Variants in MMS19 observed in about 807,000 individuals in gnomAD.
MMS19 encodes MMS19 nucleotide excision repair protein homolog.
In MMS19, 77 loss-of-function variants were observed where a neutral mutation model predicts 129.8. That is an observed-to-expected ratio of 0.59 (90% confidence interval 0.49 to 0.72). The LOEUF (loss-of-function observed/expected upper bound fraction) is 0.72, where lower values mean the gene tolerates loss of function less well. Ranked by LOEUF, MMS19 falls within the 30% of genes least tolerant of loss-of-function variation. The probability of loss-of-function intolerance (pLI) is 0.00; values close to 1 mark genes in which losing one functional copy is unlikely to be tolerated. For missense variants in MMS19, 1,168 were observed against 1,266.3 expected (o/e 0.92, Z 1.18); for synonymous variants, 491 against 502.8 (o/e 0.98, Z 0.31).
At position 97,477,398 on chromosome 10, in the gene MMS19, G is replaced by A. The variant is rs1275884991; in HGVS notation, c.442C>T (p.Arg148Ter). Residue 148 changes from arginine (R) to a stop codon, truncating the protein, a stop_gained, in exon 6 of 31, where the codon CGA (arginine) becomes TGA (stop). Coordinates refer to ENST00000438925, the MANE Select transcript of MMS19 (RefSeq NM_022362.5). LOFTEE classifies it high-confidence loss of function. ...VHVQSLPQVD[R>*]HTVYNIITNF... ...GTGATGATATTGTAGACTGTGTGTC[G>A]GTCCACCTGTGGCAGGGACTTGGGG... is the stretch of plus-strand genomic sequence containing the variant. 1.9e-6 allele frequency: 3 copies of A among 1,613,920 alleles called. No homozygotes were observed. The highest frequency in any genetic ancestry group is 3.3e-5 in the Admixed American group (2 of 60,008).
At chr10:97,490,941 A>G (rs2038759220) in intron 1 of MMS19, among the ~76,000 whole-genome samples, 1 of 152,254 alleles carries the variant, frequency 6.6e-6, no homozygotes. Context: ...GGTAGCAGCC[A>G]GACTAACAGG....
intron 2 of MMS19, among the ~76,000 whole-genome samples, chr10:97,481,767 T>G (rs1327197624): frequency 6.6e-6 from 1 of 152,076 alleles, no homozygotes; most frequent in African/African-American, 2.4e-5. Flanking sequence ...ACAGTTGTAT[T>G]GAACCTCAAG....
intron 3 of MMS19, chr10:97,480,209 A>G (rs905893689): frequency 9.5e-5 from 43 of 454,280 alleles, no homozygotes; most frequent in African/African-American, 8.3e-4. Context: ...TGCAAATCAG[A>G]CACCGCCTCC....
intron 26 of MMS19, 133 bp downstream of exon 26, chr10:97,459,913 T>G: frequency 9.3e-7 from 1 of 1,072,416 alleles, no homozygotes; most frequent in Middle Eastern, 2.5e-4. Context: ...GACAAGAATC[T>G]AGAAGTTTAG....
chr10:97,487,896 T>C (rs2038191366), intron 1 of MMS19, among the ~76,000 whole-genome samples: 2 of 152,096 alleles, frequency 1.3e-5, no homozygotes, highest in African/African-American at 2.4e-5. Flanking sequence ...GCAGGTAGAT[T>C]GCTTGAGGCC....
chr10:97,465,020 C>CT (rs1463711517), intron 18 of MMS19, among the ~76,000 whole-genome samples: 4 of 146,858 alleles, frequency 2.7e-5, no homozygotes, highest in Non-Finnish European at 6.0e-5. Flanking sequence ...TTTTTTTTTT[C>CT]TTTTTTGAGA....
rs1329203269 is a variant in MMS19, at chr10:97,461,512, G to C, written c.2295C>G (p.Leu765=). ...TAAAKCFAGL[L]NKHPAGQQLD... ...TCTCAGTACCTGCAGGGTGCTTGTT[G>C]AGGAGTCCTGCAAAGCACTTGGCAG... Residue 765 remains leucine, a synonymous_variant, in exon 23 of 31, where the codon CTC becomes CTG. Transcript: ENST00000438925. 5.0e-6 allele frequency: 8 copies of C among 1,606,360 alleles called. No homozygotes were observed. The South Asian group carries it at 9.0e-5, about 18-fold the overall frequency.
intron 3 of MMS19, among the ~76,000 whole-genome samples, chr10:97,478,648 C>T (rs962881715): frequency 6.6e-6 from 1 of 152,208 alleles, no homozygotes; most frequent in Non-Finnish European, 1.5e-5. Flanking sequence ...TGCCTTTCTA[C>T]AGAACTAGAG....
chr10:97,468,497 GAC>G, intron 12 of MMS19, 91 bp from the exon 13 acceptor site: 2 of 1,286,938 alleles, frequency 1.6e-6, no homozygotes, highest in Middle Eastern at 2.6e-4. Flanking sequence ...TGAGACCCAT[GAC>G]AGTTTGCAAG....
chr10:97,477,493 A>AAGTG, intron 5 of MMS19, 77 bp from the exon 6 acceptor site: 1 of 1,592,386 alleles, frequency 6.3e-7, no homozygotes, highest in Non-Finnish European at 8.6e-7. Flanking sequence ...CCTGCTTCAT[A>AAGTG]ATCTCTAAGT....
chr10:97,459,566 G>A (rs2031075783), intron 27 of MMS19, 40 bp from the exon 28 acceptor site: 2 of 1,605,748 alleles, frequency 1.2e-6, no homozygotes, highest in Non-Finnish European at 1.7e-6. Context: ...GCCACATCAT[G>A]AAGATCCTGG....
rs764104569 is a variant in MMS19 at position 97,459,363 on chromosome 10, A to G, written c.2903T>C (p.Met968Thr). 5.0e-6 allele frequency: 8 copies of G among 1,606,868 alleles called. No homozygotes were observed. The highest frequency in any genetic ancestry group is 1.3e-5 in the African/African-American group (1 of 74,796). ...KFLNLSSSPSMAVRIAALQCM... is the reference protein window; with the variant it reads ...KFLNLSSSPSTAVRIAALQCM... Reference sequence around the variant, plus strand: ...AAGAGTTGCTGGGGCTCAACGCACCATGGAAGGGCTAGAGCTGAGGTTCAG... The same window carrying G: ...AAGAGTTGCTGGGGCTCAACGCACCGTGGAAGGGCTAGAGCTGAGGTTCAG... The change falls in exon 28 of 31, where the codon ATG becomes ACG. Residue 968 changes from methionine to threonine, a missense_variant and splice_region_variant. By Grantham distance (81) the Met-to-Thr change is moderately conservative (BLOSUM62 -1). This residue lies in a region of MMS19 where 831 missense variants were observed against 910.8 expected (regional missense o/e 0.91). Transcript: ENST00000438925.
At chr10:97,483,043 A>G (rs2037161239) in intron 2 of MMS19, among the ~76,000 whole-genome samples, 1 of 151,824 alleles carries the variant, frequency 6.6e-6, no homozygotes, top group Non-Finnish European at 1.5e-5. Context: ...TACAGGCATG[A>G]GCCACCGCAC....
chr10:97,468,919 G>GT, intron 12 of MMS19, 47 bp downstream of exon 12: 1 of 1,552,176 alleles, frequency 6.4e-7, no homozygotes, highest in Non-Finnish European at 8.7e-7. Flanking sequence ...AAGGAATGTC[G>GT]TTTCTATTGT....
chr10:97,485,762 A>T (rs1236522642), intron 1 of MMS19, among the ~76,000 whole-genome samples: 2 of 152,266 alleles, frequency 1.3e-5, no homozygotes, highest in Non-Finnish European at 2.9e-5. Context: ...AAAATTTTAA[A>T]GCACTAGTGA....
upstream of MMS19, chr10:97,498,535 G>T (rs2040241172): frequency 2.5e-5 from 27 of 1,080,220 alleles, 1 homozygote; most frequent in South Asian, 4.6e-4. Flanking sequence ...GCAGTTCCAG[G>T]GAGGGGCGGG....
At chr10:97,466,283 A>C in intron 16 of MMS19, 124 bp from the exon 17 acceptor site, 2 of 821,982 alleles carry the variant, frequency 2.4e-6, no homozygotes, top group Non-Finnish European at 4.0e-6. Flanking sequence ...AGCAGAACTC[A>C]AGTACCTACA....
In MMS19 at chr10:97,463,996, A is replaced by G. The variant is rs1185736453; in HGVS notation, c.1774T>C (p.Ser592Pro). Residue 592 changes from serine to proline, a missense_variant, in exon 19 of 31, where the codon TCC (serine) becomes CCC (proline). This residue lies in a region of MMS19 where 831 missense variants were observed against 910.8 expected (regional missense o/e 0.91). Transcript: ENST00000438925. ...TGACAGACAGCAATAACGTCACTGG[A>G]TTGTGCAACCATATTCCCTGTTGAT... Reference protein sequence around the residue: ...QVNRGNMVAQSSDVIAVCQSL... With the variant: ...QVNRGNMVAQPSDVIAVCQSL... The G allele has an allele frequency of 6.2e-7, 1 of 1,613,106 alleles. No individual in the cohort carries two copies. Among genetic ancestry groups the G allele is most frequent in the Non-Finnish European group, 8.5e-7 (1 of 1,179,528 alleles).
intron 1 of MMS19, among the ~76,000 whole-genome samples, chr10:97,489,654 A>T (rs2038540338): frequency 6.6e-6 from 1 of 152,228 alleles, no homozygotes; most frequent in Non-Finnish European, 1.5e-5. Context: ...TCCAATTAAG[A>T]ATACCAAATT....
Sources: allele counts gnomAD v4.1 joint callset (sites outside exome capture counted in the v4.1 genomes callset), GRCh38; gene constraint gnomAD v4.1.1; regional missense constraint gnomAD v4.1.1; transcripts MANE v1.5; gene names NCBI Gene and HGNC (gene_info 2026-07-23, HGNC 2026-07-21).